Variants in HDAC9 observed in about 807,000 individuals in gnomAD.
HDAC9 encodes MEF-2 interacting transcription repressor (MITR) protein.
Under a neutral mutation model 139.4 loss-of-function variants are expected in HDAC9, and 41 were observed. The ratio of observed to expected loss-of-function variants is 0.29; its 90% CI spans 0.23 to 0.38. The LOEUF (loss-of-function observed/expected upper bound fraction) is 0.38. Among genes scored for constraint, HDAC9 ranks in the 10% least tolerant of loss-of-function variants. The pLI, the probability that HDAC9 is intolerant of heterozygous loss-of-function variation, is 1.00. For missense variants in HDAC9, 1,147 were observed against 1,297.0 expected, an observed-to-expected ratio of 0.88 and a Z score of 1.78; for synonymous variants, 517 against 476.2, an observed-to-expected ratio of 1.09 and a Z score of -1.12.
intron 2 of HDAC9, among the ~76,000 whole-genome samples, chr7:18,560,549 C>A (rs747521164): frequency 6.6e-6 from 1 of 152,052 alleles, no homozygotes; most frequent in Admixed American, 6.5e-5. Flanking sequence ...TGTTGTGCCC[C>A]GTGCTCATCT....
At chr7:18,172,521 T>A (rs1228680391) in intron 2 of HDAC9, among the ~76,000 whole-genome samples, 3 of 152,240 alleles carry the variant, frequency 2.0e-5, no homozygotes, top group Non-Finnish European at 4.4e-5. Context: ...CTTGCTTCTC[T>A]AGTTCGTTTA....
chr7:18,208,455 T>A (rs1450332297), intron 2 of HDAC9, among the ~76,000 whole-genome samples: 1 of 145,990 alleles, frequency 6.8e-6, no homozygotes, highest in Non-Finnish European at 1.5e-5. Context: ...TCAGGCAGCC[T>A]CCAACTAACT....
At chr7:18,293,446 G>C (rs570746419) in intron 1 of HDAC9, among the ~76,000 whole-genome samples, 1 of 151,948 alleles carries the variant, frequency 6.6e-6, no homozygotes, top group Non-Finnish European at 1.5e-5. Flanking sequence ...CTGATAGGTG[G>C]GAATTGAACA....
At chr7:18,176,952 A>G (rs187896647) in intron 2 of HDAC9, among the ~76,000 whole-genome samples, 56 of 152,342 alleles carry the variant, frequency 3.7e-4, no homozygotes, top group African/African-American at 1.3e-3. Context: ...GAAGCCAACT[A>G]TAGATATTGG....
At chr7:18,260,418 A>C (rs1449632294) in intron 2 of HDAC9, 2 of 145,136 alleles carry the variant, frequency 1.4e-5, no homozygotes, top group Admixed American at 7.4e-5. Flanking sequence ...ACCTGGATTC[A>C]TGCCATTCTC....
chr7:18,251,259 G>C (rs1447650762), intron 2 of HDAC9, among the ~76,000 whole-genome samples: 3 of 152,080 alleles, frequency 2.0e-5, no homozygotes, highest in Non-Finnish European at 4.4e-5. Context: ...TGCAGAGAGA[G>C]AAAATTAAAC....
At chr7:18,114,519 C>G (rs1783838134) in intron 1 of HDAC9, among the ~76,000 whole-genome samples, 1 of 152,126 alleles carries the variant, frequency 6.6e-6, no homozygotes, top group South Asian at 2.1e-4. Context: ...CTTTTTAGTC[C>G]TTACCTGCAG....
Position 18,585,435 on chromosome 7 carries a change from C to G in HDAC9, c.177C>G (p.Ile59Met), listed in dbSNP as rs559552322. 1 of 1,613,938 alleles carries G rather than the reference C, an allele frequency of 6.2e-7. No individual in the cohort carries two copies. The highest frequency in any genetic ancestry group is 1.3e-5 in the African/African-American group (1 of 75,018). Residue 59 changes from isoleucine (I) to methionine (M), a missense_variant, in exon 3 of 26, where the codon ATC becomes ATG. Physicochemically the swap from Ile to Met is conservative, Grantham distance 10. Coordinates refer to ENST00000686413, the MANE Select transcript of HDAC9 (RefSeq NM_178425.4). Reference protein sequence around the residue: ...ELLLIQQQQQIQKQLLIAEFQ... With the variant: ...ELLLIQQQQQMQKQLLIAEFQ... ...TTCTTATCCAGCAGCAGCAACAAAT[C>G]CAGAAGCAGCTTCTGATAGCAGAGT...
chr7:18,958,272 T>A (rs536639641), intron 24 of HDAC9, among the ~76,000 whole-genome samples: 1 of 152,258 alleles, frequency 6.6e-6, no homozygotes, highest in African/African-American at 2.4e-5. Flanking sequence ...GTCAACTATC[T>A]TTGAGATGAC....
intron 24 of HDAC9, among the ~76,000 whole-genome samples, chr7:18,971,335 C>T (rs1321787978): frequency 6.6e-6 from 1 of 152,166 alleles, no homozygotes; most frequent in African/African-American, 2.4e-5. Flanking sequence ...ATGGAAAACT[C>T]TTCTCTTTTG....
chr7:18,412,838 T>G lies in HDAC9; in HGVS notation c.-41-83424T>G, dbSNP rs550312729. Among the ~76,000 whole-genome samples the G allele has an allele frequency of 2.0e-5, 3 of 152,274 alleles. No homozygotes were observed. The South Asian group carries it at 6.2e-4, about 32-fold the overall frequency. The stretch of plus-strand genomic sequence containing the variant: ...GGAAGACTCTTCATCTAATGAAAAC[T>G]TGAAAAAATTAAAACAATAGTGTAA... On this transcript the variant is annotated intron_variant, in intron 1 of 3. Coordinates refer to the HDAC9 transcript ENST00000413509.
chr7:18,737,889 A>G (rs1418560110), intron 13 of HDAC9, among the ~76,000 whole-genome samples: 1 of 152,120 alleles, frequency 6.6e-6, no homozygotes, highest in Non-Finnish European at 1.5e-5. Context: ...ATTGTGTGGG[A>G]GTCTAAGTCT....
chr7:18,672,586 G>T (rs1795733257), intron 12 of HDAC9, among the ~76,000 whole-genome samples: 1 of 151,780 alleles, frequency 6.6e-6, no homozygotes, highest in African/African-American at 2.4e-5. Flanking sequence ...TTTTCCTTTT[G>T]CTGCTTGTGC....
Position 18,274,885 on chromosome 7 carries a change from A to T in HDAC9, c.25+112536A>T, listed in dbSNP as rs184098026. Reference sequence around the variant, plus strand: ...CATGCTTCAGAATGATAAATTCAGAATTTCAGAACAGATTATTTGTGGGGA... The same window carrying T: ...CATGCTTCAGAATGATAAATTCAGATTTTCAGAACAGATTATTTGTGGGGA... On this transcript the variant is annotated intron_variant, in intron 2 of 12. Coordinates refer to the HDAC9 transcript ENST00000417496. 3.6e-3 allele frequency among the ~76,000 whole-genome samples: 545 copies of T among 152,342 alleles called. 3 individuals carry two copies. The highest frequency in any genetic ancestry group is 0.014 in the Middle Eastern group (4 of 294).
At chr7:18,775,072 G>C (rs1053915778) in intron 16 of HDAC9, among the ~76,000 whole-genome samples, 20 of 152,102 alleles carry the variant, frequency 1.3e-4, no homozygotes, top group African/African-American at 4.8e-4. Flanking sequence ...AGAAGAGATG[G>C]AGGAAAGACT....
rs1296927616 is a variant in HDAC9, at chr7:18,732,685, G to GTATA, written c.1909+4930_1909+4931insTATA. 1.4e-3 allele frequency among the ~76,000 whole-genome samples: 179 copies of GTATA among 125,596 alleles called. 8 individuals carry two copies. The highest frequency in any genetic ancestry group is 2.8e-3 in the African/African-American group (85 of 30,008). The allele number at this position is 125,596 out of a possible 152,430, so 82.4% of individuals were successfully genotyped here. ...CACACGTGTATATGTGTGCGTATGTGTACACACACACACGTGTATGTGTGC... is the reference window on the plus strand; with the variant it reads ...CACACGTGTATATGTGTGCGTATGTGTATATACACACACACACGTGTATGTGTGC... On this transcript the variant is annotated intron_variant, in intron 13 of 25. Coordinates refer to ENST00000686413, the MANE Select transcript of HDAC9 (RefSeq NM_178425.4).
intron 11 of HDAC9, among the ~76,000 whole-genome samples, chr7:18,662,411 GGGGGA>G (rs960605666): frequency 2.7e-5 from 4 of 148,666 alleles, no homozygotes; most frequent in Admixed American, 6.7e-5. Context: ...ATGGTGTGGT[GGGGGA>G]GGAGGTCAAG....
At chr7:18,644,069 A>G (rs1786582258) in intron 8 of HDAC9, among the ~76,000 whole-genome samples, 2 of 152,152 alleles carry the variant, frequency 1.3e-5, no homozygotes, top group African/African-American at 4.8e-5. Context: ...AATGAAGCCT[A>G]CTGTGGCATA....
At chr7:18,197,496 C>A (rs566654777) in intron 2 of HDAC9, among the ~76,000 whole-genome samples, 1 of 152,238 alleles carries the variant, frequency 6.6e-6, no homozygotes, top group South Asian at 2.1e-4. Context: ...GTGGGTGAGG[C>A]TGGATGTTGC....
Sources: allele counts gnomAD v4.1 joint callset (sites outside exome capture counted in the v4.1 genomes callset), GRCh38; gene constraint gnomAD v4.1.1; transcripts MANE v1.5; gene names NCBI Gene and HGNC (gene_info 2026-07-23, HGNC 2026-07-21).